FBXO38: variants seen among roughly 807,000 people sequenced by gnomAD.
The protein encoded by FBXO38 is F-box protein 38.
In FBXO38, 53 loss-of-function variants were observed where a neutral mutation model predicts 131.9. The observed-to-expected ratio is 0.40, with a 90% CI of 0.32 to 0.51. FBXO38 has a LOEUF of 0.51. FBXO38 is among the 20% of genes least tolerant of loss of function. The pLI is 0.53. For missense variants in FBXO38, 1,076 were observed against 1,475.6 expected, an observed-to-expected ratio of 0.73 and a Z score of 4.44; for synonymous variants, 452 against 505.6, an observed-to-expected ratio of 0.89 and a Z score of 1.42.
intron 3 of FBXO38, among the ~76,000 whole-genome samples, chr5:148,400,501 G>A (rs1752082909): frequency 6.6e-6 from 1 of 152,060 alleles, no homozygotes; most frequent in South Asian, 2.1e-4. Flanking sequence ...TAAATAACCT[G>A]TGAGCCCAAG....
chr5:148,408,141 G>A (rs529752252), intron 7 of FBXO38, among the ~76,000 whole-genome samples: 130 of 152,304 alleles, frequency 8.5e-4, no homozygotes, highest in African/African-American at 3.0e-3. Context: ...TTTACTAATC[G>A]TTAGGGAAAT....
chr5:148,416,446 C>A lies in FBXO38; in HGVS notation c.1407+376C>A, dbSNP rs990302243. On this transcript the variant is annotated intron_variant, in intron 11 of 21. Transcript: ENST00000340253. The stretch of plus-strand genomic sequence containing the variant: ...TCTAATTAGGAATCCAAAGTATAAA[C>A]AAGAATTAAGGATTTATTTGGGGAA... 2.0e-5 allele frequency among the ~76,000 whole-genome samples: 3 copies of A among 152,164 alleles called. No individual in the cohort carries two copies. In the South Asian group the frequency reaches 6.2e-4, roughly 32 times the overall value.
At chr5:148,428,337 G>T (rs1260518196) in intron 15 of FBXO38, among the ~76,000 whole-genome samples, 1 of 152,168 alleles carries the variant, frequency 6.6e-6, no homozygotes, top group Non-Finnish European at 1.5e-5. Flanking sequence ...GGGGCTGGGG[G>T]AACACATCTC....
chr5:148,398,534 G>A (rs1361069591), intron 2 of FBXO38, among the ~76,000 whole-genome samples: 4 of 152,088 alleles, frequency 2.6e-5, no homozygotes, highest in African/African-American at 9.7e-5. Flanking sequence ...GCAGGAGCAG[G>A]ATGGTGGAGT....
At chr5:148,434,607 A>T (rs1452693251) in intron 17 of FBXO38, 1 of 152,232 alleles carries the variant, frequency 6.6e-6, no homozygotes, top group Admixed American at 6.5e-5. Context: ...GTGTATGTGT[A>T]TGTATACAGG....
chr5:148,423,849 A>C, intron 12 of FBXO38, 149 bp from the exon 13 acceptor site: 1 of 586,216 alleles, frequency 1.7e-6, no homozygotes, highest in South Asian at 2.2e-5. Flanking sequence ...TGCAGTAACA[A>C]GCACAGTGTA....
intron 1 of FBXO38, among the ~76,000 whole-genome samples, chr5:148,390,982 C>G (rs1055247411): frequency 1.3e-5 from 2 of 152,214 alleles, no homozygotes; most frequent in Non-Finnish European, 1.5e-5. Flanking sequence ...ATTCTTAAAG[C>G]TGAACATGTG....
At chr5:148,394,375 C>T (rs1412131367) in intron 1 of FBXO38, among the ~76,000 whole-genome samples, 2 of 152,098 alleles carry the variant, frequency 1.3e-5, no homozygotes, top group Admixed American at 1.3e-4. Context: ...ATTTAATGAT[C>T]ACACGTTACA....
At chr5:148,389,864 A>T (rs961700190) in intron 1 of FBXO38, 2 of 152,222 alleles carry the variant, frequency 1.3e-5, no homozygotes, top group Admixed American at 6.5e-5. Context: ...TGCCGTCTCT[A>T]CTAAAAATAC....
intron 12 of FBXO38, among the ~76,000 whole-genome samples, chr5:148,423,098 G>T (rs1295054146): frequency 2.6e-5 from 4 of 152,126 alleles, no homozygotes; most frequent in African/African-American, 9.7e-5. Flanking sequence ...AGAATTAGTT[G>T]TTTCTTGTCT....
intron 1 of FBXO38, among the ~76,000 whole-genome samples, chr5:148,391,284 T>G (rs1758182486): frequency 6.6e-6 from 1 of 152,188 alleles, no homozygotes; most frequent in African/African-American, 2.4e-5. Context: ...TATTCATACA[T>G]TAGATATTTG....
At chr5:148,435,550 T>A (rs1016293641) in intron 17 of FBXO38, among the ~76,000 whole-genome samples, 1 of 152,154 alleles carries the variant, frequency 6.6e-6, no homozygotes, top group African/African-American at 2.4e-5. Context: ...GGCGGGCGGA[T>A]CACGAGGTCA....
Position 148,402,499 on chromosome 5 carries a change from CTTTACA to C in FBXO38, c.583_588del (p.His195_Leu196del), listed in dbSNP as rs1198627261. ...ATTCCTATAGGAGCCAAAATTCAAACTTTACATTTAGTTGGTGAGTACATGTTTCTT... is the reference window on the plus strand; with the variant it reads ...ATTCCTATAGGAGCCAAAATTCAAACTTTAGTTGGTGAGTACATGTTTCTT... On this transcript the variant is annotated inframe_deletion, in exon 5 of 22. Coordinates refer to ENST00000340253, the MANE Select transcript of FBXO38 (RefSeq NM_205836.3). 1 of 1,608,474 alleles carries C rather than the reference CTTTACA, an allele frequency of 6.2e-7. No homozygotes were observed. Among genetic ancestry groups the C allele is most frequent in the Non-Finnish European group, 8.5e-7 (1 of 1,176,778 alleles).
At chr5:148,413,978 A>G (rs551563216) in intron 9 of FBXO38, 158 bp from the exon 10 acceptor site, 200 of 550,564 alleles carry the variant, frequency 3.6e-4, no homozygotes, top group Non-Finnish European at 5.6e-4. Context: ...TATGTACGGA[A>G]TACCTAACCT....
chr5:148,429,092 G>A (rs1166628219), intron 15 of FBXO38, among the ~76,000 whole-genome samples: 2 of 152,078 alleles, frequency 1.3e-5, no homozygotes, highest in Non-Finnish European at 2.9e-5. Context: ...TCATCATCCT[G>A]AACTGAAACT....
chr5:148,405,261 C>A (rs770319983), intron 6 of FBXO38, among the ~76,000 whole-genome samples: 1 of 152,178 alleles, frequency 6.6e-6, no homozygotes, highest in Non-Finnish European at 1.5e-5. Context: ...GGTCCACTGG[C>A]CACAGCCCAC....
chr5:148,440,058 G>A (rs766088709), intron 19 of FBXO38, among the ~76,000 whole-genome samples: 15 of 151,868 alleles, frequency 9.9e-5, no homozygotes, highest in East Asian at 1.9e-4. Flanking sequence ...TTAGCCTTGG[G>A]GCATGAAAAA....
At position 148,393,188 on chromosome 5, in the gene FBXO38, G is replaced by GGTGTGTGTGTGTGTGT. The variant is rs60593654; in HGVS notation, c.-63-1494_-63-1479dup. Among the ~76,000 whole-genome samples, 675 of 127,054 alleles carry GGTGTGTGTGTGTGTGT rather than the reference G, an allele frequency of 5.3e-3. 14 individuals carry two copies. The highest frequency in any genetic ancestry group is 8.0e-3 in the African/African-American group (262 of 32,824). The allele number at this position is 127,054 out of a possible 152,430, so 83.4% of individuals were successfully genotyped here. ...TACTGGTTAGAAACAACAGAAGAGG[G>GGTGTGTGTGTGTGTGT]GTGTGTGTGTGTGTGTGTGTGTGTG... On this transcript the variant is annotated intron_variant, in intron 1 of 21. Transcript: ENST00000340253.
At position 148,424,362 on chromosome 5, in the gene FBXO38, G is replaced by T. The variant is rs145863551; in HGVS notation, c.1738+245G>T. ...TTTCTTTATAGCCACGTGTGCATGA[G>T]TTTGTCCATGTATGTGTAGAAAAAG... On this transcript the variant is annotated intron_variant, in intron 13 of 21. Transcript: ENST00000340253. 1.2e-4 allele frequency among the ~76,000 whole-genome samples: 18 copies of T among 152,294 alleles called. No homozygotes were observed. The East Asian group carries it at 3.5e-3, about 29-fold the overall frequency.
Sources: allele counts gnomAD v4.1 joint callset (sites outside exome capture counted in the v4.1 genomes callset), GRCh38; gene constraint gnomAD v4.1.1; transcripts MANE v1.5; gene names NCBI Gene and HGNC (gene_info 2026-07-23, HGNC 2026-07-21).